The following PTPDC1 variants were observed in gnomAD, a reference collection of about 807,000 sequenced individuals.
PTPDC1 encodes the protein protein tyrosine phosphatase domain containing 1.
Under a neutral mutation model 75.3 loss-of-function variants are expected in PTPDC1, and 53 were observed. The ratio of observed to expected loss-of-function variants is 0.70; its 90% CI spans 0.56 to 0.88. PTPDC1 has a LOEUF of 0.88. PTPDC1 is among the 40% of genes least tolerant of loss of function. The pLI is 0.00. For missense variants in PTPDC1, 925 were observed against 998.6 expected (o/e 0.93, Z 0.99); for synonymous variants, 349 against 366.2 (o/e 0.95, Z 0.54).
rs1433936955 is a variant in PTPDC1 at position 94,084,610 on chromosome 9, C to T, written c.80C>T (p.Thr27Ile). The change falls in exon 1 of 9, where the codon ACC becomes ATC. Residue 27 changes from threonine to isoleucine, a missense_variant. Physicochemically the swap from Thr to Ile is moderately conservative, Grantham distance 89. Coordinates refer to ENST00000620992, the MANE Select transcript of PTPDC1 (RefSeq NM_001253829.2). Reference protein sequence around the residue: ...SSFLQGRRHSTSDPVLRLQQA... With the variant: ...SSFLQGRRHSISDPVLRLQQA... ...TTTCTCCAGGGCCGCCGGCACTCCA[C>T]CTCAGACCCAGTACTGCGGCTGCAG... 4 of 1,613,662 alleles carry T rather than the reference C, an allele frequency of 2.5e-6. No homozygotes were observed. The highest frequency in any genetic ancestry group is 3.4e-6 in the Non-Finnish European group (4 of 1,179,914).
At chr9:94,070,262 C>G (rs990981649) in intron 2 of PTPDC1, among the ~76,000 whole-genome samples, 3 of 152,152 alleles carry the variant, frequency 2.0e-5, no homozygotes, top group Admixed American at 6.5e-5. Flanking sequence ...TAACCAGTCT[C>G]TCAACCCTGC....
intron 1 of PTPDC1, among the ~76,000 whole-genome samples, chr9:94,062,138 A>G (rs1265576649): frequency 1.3e-5 from 2 of 152,134 alleles, no homozygotes; most frequent in Non-Finnish European, 2.9e-5. Flanking sequence ...TTCTTCCACT[A>G]GATACCCTAA....
intron 1 of PTPDC1, among the ~76,000 whole-genome samples, chr9:94,051,384 T>C (rs1401423522): frequency 1.3e-5 from 2 of 152,224 alleles, no homozygotes; most frequent in Non-Finnish European, 2.9e-5. Flanking sequence ...CTATTAAGTA[T>C]GATATTAACT....
chr9:94,053,388 T>A (rs1232464798), intron 1 of PTPDC1, among the ~76,000 whole-genome samples: 1 of 152,172 alleles, frequency 6.6e-6, no homozygotes, highest in Non-Finnish European at 1.5e-5. Context: ...GTCATGTCAT[T>A]TTTTTAGGTT....
At chr9:94,045,433 T>C (rs1246002475) in intron 1 of PTPDC1, among the ~76,000 whole-genome samples, 1 of 152,192 alleles carries the variant, frequency 6.6e-6, no homozygotes, top group Non-Finnish European at 1.5e-5. Flanking sequence ...ACTTCCACAA[T>C]GGTTGAACTA....
At chr9:94,051,435 C>G (rs1308680529) in intron 1 of PTPDC1, among the ~76,000 whole-genome samples, 1 of 152,138 alleles carries the variant, frequency 6.6e-6, no homozygotes, top group Non-Finnish European at 1.5e-5. Flanking sequence ...TGAGGAAATT[C>G]TTTATCTAGT....
chr9:94,086,491 G>T (rs1314711803), intron 2 of PTPDC1, among the ~76,000 whole-genome samples: 10 of 152,130 alleles, frequency 6.6e-5, no homozygotes, highest in Admixed American at 6.5e-4. Flanking sequence ...CTTTCAGAGG[G>T]AAAGGTGTCA....
At chr9:94,099,116 G>A (rs1359933765) in intron 6 of PTPDC1, among the ~76,000 whole-genome samples, 10 of 152,224 alleles carry the variant, frequency 6.6e-5, no homozygotes, top group Non-Finnish European at 1.5e-4. Flanking sequence ...GAGCAAGTGG[G>A]TGAAACCACA....
intron 1 of PTPDC1, among the ~76,000 whole-genome samples, chr9:94,050,446 G>C (rs1161718480): frequency 6.6e-6 from 1 of 152,232 alleles, no homozygotes; most frequent in Non-Finnish European, 1.5e-5. Flanking sequence ...AGGACCCTCA[G>C]CTGCAGGTCT....
At chr9:94,095,704 A>T (rs1827538597) in intron 5 of PTPDC1, among the ~76,000 whole-genome samples, 1 of 152,224 alleles carries the variant, frequency 6.6e-6, no homozygotes, top group South Asian at 2.1e-4. Context: ...GTTGAAGATT[A>T]TGCGTATACT....
In PTPDC1 at chr9:94,097,327, T is replaced by C. The variant is rs776848083; in HGVS notation, c.761T>C (p.Leu254Ser). The C allele has an allele frequency of 6.2e-7, 1 of 1,600,010 alleles. No homozygotes were observed. Among genetic ancestry groups the C allele is most frequent in the Non-Finnish European group, 8.5e-7 (1 of 1,171,488 alleles). ...CHAGLGRTGV[L>S]IACYLVFATR... The stretch of plus-strand genomic sequence containing the variant: ...TCTCTTCTTCACTGTTTAGGTGTTT[T>C]AATAGCCTGTTACTTAGTTTTTGCA... The change falls in exon 6 of 9, where the codon TTA (leucine) becomes TCA (serine). Residue 254 changes from leucine (L) to serine (S), a missense_variant. Physicochemically the swap from Leu to Ser is moderately radical, Grantham distance 145. Transcript: ENST00000620992.
intron 1 of PTPDC1, 22 bp from the exon 2 acceptor site, chr9:94,085,229 T>G: frequency 6.3e-7 from 1 of 1,597,804 alleles, no homozygotes; most frequent in Non-Finnish European, 8.6e-7. Flanking sequence ...ATTTTGAATT[T>G]TCCTTTCCTT....
chr9:94,094,473 T>C (rs1827460509), intron 4 of PTPDC1, among the ~76,000 whole-genome samples: 1 of 152,206 alleles, frequency 6.6e-6, no homozygotes, highest in Admixed American at 6.5e-5. Context: ...ACCACAGCTC[T>C]TTTCAAAGCT....
intron 1 of PTPDC1, among the ~76,000 whole-genome samples, chr9:94,033,738 T>C (rs1368644237): frequency 6.6e-6 from 1 of 152,222 alleles, no homozygotes; most frequent in Non-Finnish European, 1.5e-5. Flanking sequence ...CCTGCTGTAA[T>C]ATTTAAGATC....
At chr9:94,091,677 C>A (rs1207763859) in intron 4 of PTPDC1, among the ~76,000 whole-genome samples, 2 of 152,154 alleles carry the variant, frequency 1.3e-5, no homozygotes, top group Non-Finnish European at 2.9e-5. Context: ...CCTCCTTATA[C>A]CTCTGGTAGA....
Position 94,087,859 on chromosome 9 carries a change from C to T in PTPDC1, c.445C>T (p.Arg149Cys). The T allele has an allele frequency of 4.3e-6, 7 of 1,613,858 alleles. No individual in the cohort carries two copies. Among genetic ancestry groups the T allele is most frequent in the Non-Finnish European group, 5.9e-6 (7 of 1,179,766 alleles). ...CACTGATAATATACTGGCCATGGCC[C>T]GCCCATCCTCTGAGCTCCTGGAGAA... Reference protein sequence around the residue: ...WVTDNILAMARPSSELLEKYH... With the variant: ...WVTDNILAMACPSSELLEKYH... Residue 149 changes from arginine to cysteine, a missense_variant, in exon 3 of 9, where the codon CGC becomes TGC. Transcript: ENST00000620992.
intron 1 of PTPDC1, among the ~76,000 whole-genome samples, chr9:94,053,322 T>C (rs1323957071): frequency 6.6e-6 from 1 of 152,264 alleles, no homozygotes; most frequent in East Asian, 1.9e-4. Flanking sequence ...GGTTTTTTTT[T>C]TAATGTTGCC....
chr9:94,041,770 C>T (rs1351891676), intron 1 of PTPDC1, among the ~76,000 whole-genome samples: 4 of 152,146 alleles, frequency 2.6e-5, no homozygotes, highest in African/African-American at 4.8e-5. Flanking sequence ...GCTCCAGGCT[C>T]ATCTTGTATA....
intron 4 of PTPDC1, among the ~76,000 whole-genome samples, chr9:94,093,274 G>C (rs10993049): frequency 0.41 from 60,447 of 146,382 alleles, 12,648 homozygotes; most frequent in Admixed American, 0.52. Flanking sequence ...TTTTAGGGCA[G>C]GCCTGGTGGT....
Sources: allele counts gnomAD v4.1 joint callset (sites outside exome capture counted in the v4.1 genomes callset), GRCh38; gene constraint gnomAD v4.1.1; transcripts MANE v1.5; gene names NCBI Gene and HGNC (gene_info 2026-07-23, HGNC 2026-07-21).